ZNF609: variants seen among roughly 807,000 people sequenced by gnomAD.
The protein encoded by ZNF609 is zinc finger protein 609.
Under a neutral mutation model 109.5 loss-of-function variants are expected in ZNF609, and 11 were observed. The observed-to-expected ratio is 0.10, with a 90% CI of 0.06 to 0.17. The LOEUF is 0.17. ZNF609 is among the 10% of genes least tolerant of loss of function. The pLI, the probability that ZNF609 is intolerant of heterozygous loss-of-function variation, is 1.00. For synonymous variants in ZNF609, 646 were observed against 662.0 expected (o/e 0.98, Z 0.37); for missense variants, 1,559 against 1,772.4 (o/e 0.88, Z 2.16).
chr15:64,599,122 A>G, intron 2 of ZNF609, among the ~76,000 whole-genome samples: 1 of 131,776 alleles, frequency 7.6e-6, no homozygotes, highest in Non-Finnish European at 1.6e-5. Flanking sequence ...TCTTTCCTGT[A>G]GTGCTGGCAA....
At chr15:64,563,588 A>G (rs549873674) in intron 2 of ZNF609, among the ~76,000 whole-genome samples, 1 of 151,904 alleles carries the variant, frequency 6.6e-6, no homozygotes, top group African/African-American at 2.4e-5. Context: ...GGCCAGCCTG[A>G]CCAACATGGA....
intron 2 of ZNF609, among the ~76,000 whole-genome samples, chr15:64,521,235 G>T (rs1893886721): frequency 1.3e-5 from 2 of 152,240 alleles, no homozygotes; most frequent in South Asian, 4.1e-4. Context: ...CAGACCTTGG[G>T]CCAAGCAGCC....
intron 1 of ZNF609, among the ~76,000 whole-genome samples, chr15:64,461,982 G>T (rs944273468): frequency 1.3e-5 from 2 of 152,190 alleles, no homozygotes; most frequent in Admixed American, 1.3e-4. Context: ...TTTATCGGGA[G>T]CGCTACCCCA....
At chr15:64,668,900 G>A (rs544734102) in intron 3 of ZNF609, among the ~76,000 whole-genome samples, 1 of 142,788 alleles carries the variant, frequency 7.0e-6, no homozygotes, top group South Asian at 2.2e-4. Flanking sequence ...TGCAGTGAGC[G>A]GAGATCACAC....
intron 2 of ZNF609, among the ~76,000 whole-genome samples, chr15:64,535,495 A>G (rs1567007769): frequency 6.6e-6 from 1 of 152,330 alleles, no homozygotes; most frequent in East Asian, 1.9e-4. Context: ...TGGTATAGAT[A>G]TACCACAGTT....
At chr15:64,583,118 C>G (rs1299978822) in intron 2 of ZNF609, among the ~76,000 whole-genome samples, 1 of 151,538 alleles carries the variant, frequency 6.6e-6, no homozygotes, top group Non-Finnish European at 1.5e-5. Flanking sequence ...ACTGCAACCT[C>G]TGCCTCCCGG....
intron 3 of ZNF609, among the ~76,000 whole-genome samples, chr15:64,639,548 A>G (rs1896224391): frequency 2.0e-5 from 3 of 152,120 alleles, no homozygotes. Flanking sequence ...CTCTTTGCAT[A>G]TCTGTGTCCA....
chr15:64,466,094 C>G (rs899704674), intron 1 of ZNF609, among the ~76,000 whole-genome samples: 88 of 62,170 alleles, frequency 1.4e-3, no homozygotes, highest in African/African-American at 4.6e-3. Flanking sequence ...CCAGCCTGGT[C>G]AACAAGAATG....
chr15:64,468,679 G>A (rs985222313), intron 1 of ZNF609, among the ~76,000 whole-genome samples: 2 of 152,106 alleles, frequency 1.3e-5, no homozygotes, highest in East Asian at 3.9e-4. Flanking sequence ...GTTTCCCAAA[G>A]TGCTGGGACT....
At chr15:64,596,184 G>A (rs577638866) in intron 2 of ZNF609, among the ~76,000 whole-genome samples, 370 of 151,198 alleles carry the variant, frequency 2.4e-3, no homozygotes, top group African/African-American at 8.3e-3. Flanking sequence ...ATGGAGTCTC[G>A]CTCTGTTGCC....
At chr15:64,503,448 A>C (rs1339280656) in intron 2 of ZNF609, among the ~76,000 whole-genome samples, 2 of 152,170 alleles carry the variant, frequency 1.3e-5, no homozygotes, top group East Asian at 3.8e-4. Flanking sequence ...AAGGGGAGGT[A>C]GGGAGGAGGG....
chr15:64,643,084 C>G (rs772732567), intron 3 of ZNF609, among the ~76,000 whole-genome samples: 1 of 152,148 alleles, frequency 6.6e-6, no homozygotes, highest in East Asian at 1.9e-4. Flanking sequence ...AATTATTAGA[C>G]AGTAACATAC....
intron 1 of ZNF609, among the ~76,000 whole-genome samples, chr15:64,474,266 T>C (rs1596376092): frequency 6.7e-6 from 1 of 148,552 alleles, no homozygotes; most frequent in South Asian, 2.1e-4. Flanking sequence ...CAGGCTGGAG[T>C]GCAATGGCAC....
chr15:64,491,235 C>A (rs756841809), intron 1 of ZNF609, among the ~76,000 whole-genome samples: 1 of 152,152 alleles, frequency 6.6e-6, no homozygotes, highest in African/African-American at 2.4e-5. Flanking sequence ...TGAAGTGTGG[C>A]AGGTAGAGAG....
intron 2 of ZNF609, among the ~76,000 whole-genome samples, chr15:64,590,385 G>A (rs962191107): frequency 5.9e-5 from 9 of 152,080 alleles, no homozygotes; most frequent in African/African-American, 1.9e-4. Context: ...GCAGTGGCAT[G>A]ATATCAGCTC....
At chr15:64,534,285 A>G (rs1442142964) in intron 2 of ZNF609, among the ~76,000 whole-genome samples, 1 of 151,444 alleles carries the variant, frequency 6.6e-6, no homozygotes, top group Non-Finnish European at 1.5e-5. Context: ...TGGTGGTATT[A>G]CAGGCGTGAG....
chr15:64,485,522 G>C (rs925576836), intron 1 of ZNF609, among the ~76,000 whole-genome samples: 10 of 152,244 alleles, frequency 6.6e-5, no homozygotes, highest in Non-Finnish European at 4.4e-5. Flanking sequence ...ATGCAGTGGG[G>C]TTGGGTGCAG....
At chr15:64,641,234 T>TTTTTTTTTTTTTTTTG (rs758413589) in intron 3 of ZNF609, among the ~76,000 whole-genome samples, 4 of 140,764 alleles carry the variant, frequency 2.8e-5, no homozygotes, top group South Asian at 2.2e-4. Context: ...TTTTTTTTTT[T>TTTTTTTTTTTTTTTTG]GAGATGGAGT....
intron 3 of ZNF609, among the ~76,000 whole-genome samples, chr15:64,649,856 A>G (rs1388766336): frequency 6.6e-6 from 1 of 152,216 alleles, no homozygotes; most frequent in Non-Finnish European, 1.5e-5. Flanking sequence ...AGGCAACTAC[A>G]GTTATAGTTT....
Sources: allele counts gnomAD v4.1 joint callset (sites outside exome capture counted in the v4.1 genomes callset), GRCh38; gene constraint gnomAD v4.1.1; transcripts MANE v1.5; gene names NCBI Gene and HGNC (gene_info 2026-07-23, HGNC 2026-07-21).